TRAPPC9: variants seen among roughly 807,000 people sequenced by gnomAD.
The protein encoded by TRAPPC9 is IKK2 binding protein.
In TRAPPC9, 83 loss-of-function variants were observed where a neutral mutation model predicts 124.0. The ratio of observed to expected loss-of-function variants is 0.67; its 90% confidence interval spans 0.56 to 0.80. TRAPPC9 has a LOEUF of 0.80. TRAPPC9 is among the 30% of genes least tolerant of loss of function. The pLI is 0.00. For missense variants in TRAPPC9, 1,302 were observed against 1,508.3 expected, an observed-to-expected ratio of 0.86 and a Z score of 2.27; for synonymous variants, 638 against 617.5, an observed-to-expected ratio of 1.03 and a Z score of -0.49.
At chr8:139,883,467 G>A (rs1022686914) in intron 21 of TRAPPC9, among the ~76,000 whole-genome samples, 7 of 152,230 alleles carry the variant, frequency 4.6e-5, no homozygotes, top group East Asian at 1.9e-4. Context: ...GAGCCTTCAC[G>A]CCTCCCGGCA....
chr8:140,258,136 T>C (rs148359573), intron 15 of TRAPPC9, among the ~76,000 whole-genome samples: 3,035 of 152,286 alleles, frequency 0.02, 60 homozygotes, highest in South Asian at 0.071. Flanking sequence ...TCAGTCTGTC[T>C]TGGGTACACG....
In TRAPPC9 at chr8:140,454,608, C is replaced by G. The variant is rs1377277743; in HGVS notation, c.-11+3031G>C. 9.7e-5 allele frequency among the ~76,000 whole-genome samples: 14 copies of G among 144,788 alleles called. No individual in the cohort carries two copies. The East Asian group carries it at 2.6e-3, about 27-fold the overall frequency. 95.0% of individuals were successfully genotyped at this position (144,788 alleles called of 152,430 possible). ...TGAGCCGAGATCACGCCACTGCACT[C>G]CAGCCTGGGCAATAAGAGTAAGACT... On this transcript the variant is annotated intron_variant, in intron 1 of 22. Transcript: ENST00000438773.
chr8:140,144,464 T>TTTCATTCATTCA (rs67174670), intron 17 of TRAPPC9, among the ~76,000 whole-genome samples: 1 of 150,392 alleles, frequency 6.6e-6, no homozygotes, highest in African/African-American at 2.5e-5. Context: ...CTATTTTTCT[T>TTTCATTCATTCA]TTCATTCATT....
At chr8:139,754,286 T>C (rs1260598596) in intron 21 of TRAPPC9, among the ~76,000 whole-genome samples, 1 of 152,208 alleles carries the variant, frequency 6.6e-6, no homozygotes, top group Non-Finnish European at 1.5e-5. Context: ...CTGCCTGGTC[T>C]CAGCTGCACA....
intron 17 of TRAPPC9, among the ~76,000 whole-genome samples, chr8:140,056,598 C>T (rs568341625): frequency 6.6e-6 from 1 of 151,790 alleles, no homozygotes; most frequent in Admixed American, 6.6e-5. Context: ...GCAGGGAAAG[C>T]TGAACACCCA....
At chr8:139,815,002 T>A (rs1395109963) in intron 21 of TRAPPC9, among the ~76,000 whole-genome samples, 1 of 152,184 alleles carries the variant, frequency 6.6e-6, no homozygotes, top group East Asian at 1.9e-4. Context: ...GCCACCAGTA[T>A]GTGTACGGCA....
At chr8:140,342,980 C>T (rs2067236822) in intron 9 of TRAPPC9, among the ~76,000 whole-genome samples, 1 of 152,180 alleles carries the variant, frequency 6.6e-6, no homozygotes, top group South Asian at 2.1e-4. Flanking sequence ...ATATTTTAGT[C>T]TGTTAATCTA....
At chr8:140,305,556 C>T (rs1194852437) in intron 10 of TRAPPC9, among the ~76,000 whole-genome samples, 2 of 152,222 alleles carry the variant, frequency 1.3e-5, no homozygotes, top group Non-Finnish European at 2.9e-5. Context: ...CCTGCCTCGG[C>T]CTCCCAAAGT....
intron 14 of TRAPPC9, among the ~76,000 whole-genome samples, chr8:140,278,174 A>G (rs918919637): frequency 6.6e-6 from 1 of 150,990 alleles, no homozygotes; most frequent in Non-Finnish European, 1.5e-5. Context: ...CACAATCTCC[A>G]CTCACTGCAA....
At chr8:140,215,987 G>C (rs1360157357) in intron 17 of TRAPPC9, 1 of 152,202 alleles carries the variant, frequency 6.6e-6, no homozygotes, top group African/African-American at 2.4e-5. Flanking sequence ...CAAGGGGAAG[G>C]CATCAAAGGC....
chr8:140,405,583 G>A lies in TRAPPC9; in HGVS notation c.1002C>T (p.Tyr334=). 2 of 1,614,096 alleles carry A rather than the reference G, an allele frequency of 1.2e-6. No homozygotes were observed. Among genetic ancestry groups the A allele is most frequent in the Non-Finnish European group, 1.7e-6 (2 of 1,179,980 alleles). Residue 334 remains tyrosine, a synonymous_variant, in exon 6 of 23, where the codon TAC becomes TAT. Coordinates refer to ENST00000438773, the MANE Select transcript of TRAPPC9 (RefSeq NM_001160372.4). The part of the protein sequence containing the change: ...IDKYKEAISY[Y]SKYKNAGVIE... ...CACAAAGCCATAAAATCACCTTGCT[G>A]TAATAGGAAATCGCCTCTTTATACT... is the stretch of plus-strand genomic sequence containing the variant.
intron 16 of TRAPPC9, among the ~76,000 whole-genome samples, chr8:140,240,375 G>C (rs1056165743): frequency 6.6e-6 from 1 of 152,138 alleles, no homozygotes; most frequent in Admixed American, 6.5e-5. Context: ...GCTCCGAGGG[G>C]AGGACTGGGG....
chr8:140,380,276 A>G (rs1366418861), intron 7 of TRAPPC9, among the ~76,000 whole-genome samples: 1 of 152,238 alleles, frequency 6.6e-6, no homozygotes, highest in Non-Finnish European at 1.5e-5. Context: ...ATTATGATCA[A>G]CTAATTTTCC....
In TRAPPC9 at chr8:140,409,656, T is replaced by C. The variant is rs578127732; in HGVS notation, c.887-3958A>G. Reference sequence around the variant, plus strand: ...TGAGAAAGATCTCCATAAGCTGATATGGACTGATCTCCAGGATACATTAGC... The same window carrying C: ...TGAGAAAGATCTCCATAAGCTGATACGGACTGATCTCCAGGATACATTAGC... On this transcript the variant is annotated intron_variant, in intron 5 of 22. Transcript: ENST00000438773. Among the ~76,000 whole-genome samples the C allele has an allele frequency of 2.0e-5, 3 of 152,202 alleles. No homozygotes were observed. In the South Asian group the frequency reaches 6.2e-4, roughly 31 times the overall value.
intron 5 of TRAPPC9, among the ~76,000 whole-genome samples, chr8:140,416,566 AGAG>A (rs1364452777): frequency 6.6e-6 from 1 of 152,238 alleles, no homozygotes; most frequent in Non-Finnish European, 1.5e-5. Context: ...ACAAAATAAA[AGAG>A]GACACAAACA....
intron 15 of TRAPPC9, among the ~76,000 whole-genome samples, chr8:140,253,407 T>C (rs922493859): frequency 2.6e-5 from 4 of 152,176 alleles, no homozygotes; most frequent in Non-Finnish European, 1.5e-5. Context: ...CAGGACGCTG[T>C]GGCTCACACT....
chr8:140,262,183 G>A (rs948199623), intron 15 of TRAPPC9, among the ~76,000 whole-genome samples: 1 of 152,038 alleles, frequency 6.6e-6, no homozygotes, highest in East Asian at 1.9e-4. Flanking sequence ...GAAAGCCTGT[G>A]AAATCATGCT....
chr8:140,029,326 G>A (rs143562015), intron 17 of TRAPPC9, among the ~76,000 whole-genome samples: 110 of 152,320 alleles, frequency 7.2e-4, no homozygotes, highest in Middle Eastern at 3.4e-3. Flanking sequence ...CCAACATGGC[G>A]AAAGCCCAAC....
intron 15 of TRAPPC9, among the ~76,000 whole-genome samples, chr8:140,271,263 C>T (rs2064869904): frequency 6.6e-6 from 1 of 152,114 alleles, no homozygotes; most frequent in African/African-American, 2.4e-5. Context: ...GGTAGGAAAG[C>T]ATGAAATTAA....
Sources: gnomAD v4.1 joint callset for allele counts (sites outside exome capture counted in the v4.1 genomes callset) on GRCh38, gnomAD v4.1.1 for gene constraint, MANE v1.5 for transcripts, NCBI Gene and HGNC (gene_info 2026-07-23, HGNC 2026-07-21) for gene names.